Variants in CPT1A observed in about 807,000 individuals in gnomAD.
The protein encoded by CPT1A is carnitine palmitoyltransferase 1A, also known as carnitine O-palmitoyltransferase 1, liver isoform.
Under a neutral mutation model 100.8 loss-of-function variants are expected in CPT1A, and 64 were observed. That is an observed-to-expected ratio of 0.63 (90% CI 0.52 to 0.78). CPT1A has a LOEUF of 0.78. Ranked by LOEUF, CPT1A falls within the 30% of genes least tolerant of loss-of-function variation. The pLI, the probability that CPT1A is intolerant of heterozygous loss-of-function variation, is 0.00. For synonymous variants in CPT1A, 363 were observed against 396.0 expected (o/e 0.92, Z 0.99); for missense variants, 802 against 1,034.1 (o/e 0.78, Z 3.08).
intron 1 of CPT1A, among the ~76,000 whole-genome samples, chr11:68,822,632 A>C (rs1056331382): frequency 2.0e-5 from 3 of 152,192 alleles, no homozygotes; most frequent in African/African-American, 7.2e-5. Flanking sequence ...TGTCCATACA[A>C]AAGTCTGCAC....
rs1594333777 is a variant in CPT1A, at chr11:68,780,621, G to C, written c.1458+19C>G. The C allele has an allele frequency of 1.2e-6, 2 of 1,608,312 alleles. No homozygotes were observed. The highest frequency in any genetic ancestry group is 1.3e-5 in the African/African-American group (1 of 74,898). On this transcript the variant is annotated intron_variant, in intron 12 of 18. Transcript: ENST00000265641. ...TCAAAAGCAACTTCCACATTCAAGTGAAAAGTGTGAAAACTCACCTCCCAA... is the reference window on the plus strand; with the variant it reads ...TCAAAAGCAACTTCCACATTCAAGTCAAAAGTGTGAAAACTCACCTCCCAA...
chr11:68,783,670 C>T (rs192496716), intron 10 of CPT1A, among the ~76,000 whole-genome samples: 180 of 152,322 alleles, frequency 1.2e-3, no homozygotes, highest in African/African-American at 4.2e-3. Flanking sequence ...GCAATGTCTG[C>T]GACACTTCTG....
At chr11:68,788,630 TAAAA>T in intron 9 of CPT1A, among the ~76,000 whole-genome samples, 10 of 27,554 alleles carry the variant, frequency 3.6e-4, no homozygotes, top group African/African-American at 1.3e-3. Flanking sequence ...CAAACAAAAG[TAAAA>T]AAAAAAAAAA....
At chr11:68,761,007 C>T (rs1017232426) in intron 16 of CPT1A, among the ~76,000 whole-genome samples, 17 of 151,400 alleles carry the variant, frequency 1.1e-4, no homozygotes, top group African/African-American at 3.6e-4. Context: ...GGTGACAGAG[C>T]GAGACTCCAT....
Position 68,759,587 on chromosome 11 carries a change from C to G in CPT1A, c.2217G>C (p.Lys739Asn), listed in dbSNP as rs1295735699. Residue 739 changes from lysine (K) to asparagine (N), a missense_variant, in exon 18 of 19, where the codon AAG becomes AAC. Lys to Asn is a moderately conservative substitution (Grantham distance 94, BLOSUM62 0). Around this residue, in one of 4 missense-constraint regions of CPT1A, gnomAD observed 627 missense variants for 799.3 expected, o/e 0.78. Coordinates refer to ENST00000265641, the MANE Select transcript of CPT1A (RefSeq NM_001876.4). Reference protein sequence around the residue: ...ENLINFHISSKFSCPETDSHR... With the variant: ...ENLINFHISSNFSCPETDSHR... ...TACATACCGTCTCAGGGCAAGAGAA[C>G]TTGGAAGAAATGTGGAAATTGATGA... 31 of 1,612,674 alleles carry G rather than the reference C, an allele frequency of 1.9e-5. No homozygotes were observed. Among genetic ancestry groups the G allele is most frequent in the Non-Finnish European group, 2.5e-5 (29 of 1,178,878 alleles).
chr11:68,757,189 C>A lies in CPT1A; in HGVS notation c.*455G>T. On this transcript the variant is annotated 3_prime_UTR_variant, in exon 19 of 19. Coordinates refer to ENST00000265641, the MANE Select transcript of CPT1A (RefSeq NM_001876.4). The stretch of plus-strand genomic sequence containing the variant: ...TGCATTCCAGATGTGTTAGCTACAA[C>A]TGGGGACACCAACTTGAATAACACA... 1.8e-6 allele frequency: 1 copy of A among 569,596 alleles called. No homozygotes were observed. Among genetic ancestry groups the A allele is most frequent in the Non-Finnish European group, 2.3e-6 (1 of 428,820 alleles). 35.3% of individuals were successfully genotyped at this position (569,596 alleles called of 1,614,324 possible).
intron 13 of CPT1A, among the ~76,000 whole-genome samples, chr11:68,774,812 G>C (rs1464132997): frequency 6.6e-6 from 1 of 150,618 alleles, no homozygotes; most frequent in Non-Finnish European, 1.5e-5. Flanking sequence ...AAAAGAAAAT[G>C]GTATCTTGGA....
chr11:68,825,183 G>A (rs1356161529), intron 1 of CPT1A, among the ~76,000 whole-genome samples: 1 of 152,150 alleles, frequency 6.6e-6, no homozygotes, highest in Non-Finnish European at 1.5e-5. Context: ...GTGAGAACGG[G>A]TGAAGGGCAG....
At chr11:68,834,462 G>T (rs544700532) in intron 1 of CPT1A, among the ~76,000 whole-genome samples, 1 of 152,040 alleles carries the variant, frequency 6.6e-6, no homozygotes, top group East Asian at 1.9e-4. Context: ...AAAATAAAAG[G>T]AATTCTGGAC....
chr11:68,833,869 T>G (rs1259696145), intron 1 of CPT1A, among the ~76,000 whole-genome samples: 2 of 152,232 alleles, frequency 1.3e-5, no homozygotes, highest in African/African-American at 4.8e-5. Context: ...TATTATTTTT[T>G]TTTTATAAGA....
Position 68,804,095 on chromosome 11 carries a change from C to T in CPT1A, c.460G>A (p.Val154Ile), listed in dbSNP as rs1300644960. The T allele has an allele frequency of 6.2e-7, 1 of 1,612,236 alleles. No individual in the cohort carries two copies. Among genetic ancestry groups the T allele is most frequent in the South Asian group, 1.1e-5 (1 of 91,052 alleles). The change falls in exon 5 of 19, where the codon GTC becomes ATC. Residue 154 changes from valine to isoleucine, a missense_variant. Val to Ile is a conservative substitution (Grantham distance 29). Around this residue, in one of 4 missense-constraint regions of CPT1A, gnomAD observed 161 missense variants for 183.7 expected, o/e 0.88. Transcript: ENST00000265641. ...SRATKIWMGM[V>I]KIFSGRKPML... ...GGTTTTCGGCCTGAAAAGATCTTGA[C>T]CATACCCTGAAGAGAGAGAATTATA...
chr11:68,823,554 C>G (rs1162074642), intron 1 of CPT1A, among the ~76,000 whole-genome samples: 2 of 151,790 alleles, frequency 1.3e-5, no homozygotes, highest in South Asian at 4.2e-4. Flanking sequence ...TTTGGGAGGC[C>G]GAGGCGGGAG....
At chr11:68,835,134 A>AAAG (rs1174971707) in intron 1 of CPT1A, among the ~76,000 whole-genome samples, 3 of 152,244 alleles carry the variant, frequency 2.0e-5, no homozygotes, top group African/African-American at 7.2e-5. Context: ...ACAATTTTAT[A>AAAG]AAGAAGATAG....
At chr11:68,802,460 G>T (rs1239042556) in intron 5 of CPT1A, among the ~76,000 whole-genome samples, 2 of 151,282 alleles carry the variant, frequency 1.3e-5, no homozygotes, top group African/African-American at 4.9e-5. Context: ...GGCCAGGCGT[G>T]GTGGCTCACA....
chr11:68,792,723 C>T (rs1291300047), intron 9 of CPT1A, among the ~76,000 whole-genome samples: 2 of 152,176 alleles, frequency 1.3e-5, no homozygotes, highest in Admixed American at 6.5e-5. Flanking sequence ...GACTGTGAGC[C>T]GGAGTAAAAT....
intron 1 of CPT1A, among the ~76,000 whole-genome samples, chr11:68,818,070 A>G (rs1856482594): frequency 6.6e-6 from 1 of 152,114 alleles, no homozygotes. Flanking sequence ...TGGCTGCTGT[A>G]TGGAGTATGG....
chr11:68,809,387 CAG>C lies in CPT1A; in HGVS notation c.282-1751_282-1750del, dbSNP rs373496340. Among the ~76,000 whole-genome samples the C allele has an allele frequency of 2.5e-3, 374 of 152,330 alleles. 1 individual carries two copies. The highest frequency in any genetic ancestry group is 6.8e-3 in the Middle Eastern group (2 of 294). ...TTAAAAGTATAGACATAGAGGCACTCAGATAAAAAACGTTAGCAAAAAGCTTT... is the reference window on the plus strand; with the variant it reads ...TTAAAAGTATAGACATAGAGGCACTCATAAAAAACGTTAGCAAAAAGCTTT... On this transcript the variant is annotated intron_variant, in intron 3 of 18. Coordinates refer to ENST00000265641, the MANE Select transcript of CPT1A (RefSeq NM_001876.4).
intron 12 of CPT1A, among the ~76,000 whole-genome samples, chr11:68,779,795 C>CAAA (rs11419131): frequency 1.7e-4 from 21 of 123,978 alleles, no homozygotes; most frequent in Admixed American, 1.7e-4. Flanking sequence ...GACCCTGTCT[C>CAAA]AAAAAAAAAA....
chr11:68,824,297 G>A (rs1856667053), intron 1 of CPT1A, among the ~76,000 whole-genome samples: 1 of 151,608 alleles, frequency 6.6e-6, no homozygotes, highest in African/African-American at 2.4e-5. Context: ...CAGACATTGG[G>A]GATTCCAAAA....
Sources: allele counts gnomAD v4.1 joint callset (sites outside exome capture counted in the v4.1 genomes callset), GRCh38; gene constraint gnomAD v4.1.1; regional missense constraint gnomAD v4.1.1; transcripts MANE v1.5; gene names NCBI Gene and HGNC (gene_info 2026-07-23, HGNC 2026-07-21).